Variants in HSD17B2 observed in about 807,000 individuals in gnomAD.
HSD17B2 encodes the protein hydroxysteroid 17-beta dehydrogenase 2.
A neutral mutation model predicts 26.9 loss-of-function variants in HSD17B2; 32 were observed. That is an observed-to-expected ratio of 1.19 (90% confidence interval 0.90 to 1.60). The LOEUF (loss-of-function observed/expected upper bound fraction) is 1.60, where lower values mean the gene tolerates loss of function less well. HSD17B2 is among the 40% of genes most tolerant of loss of function. The probability of loss-of-function intolerance (pLI) is 0.00; values close to 1 mark genes in which losing one functional copy is unlikely to be tolerated. For synonymous variants in HSD17B2, 246 were observed against 186.7 expected (o/e 1.32, Z -2.59); for missense variants, 613 against 468.6 (o/e 1.31, Z -2.85).
intron 1 of HSD17B2, among the ~76,000 whole-genome samples, chr16:82,046,535 G>A (rs564618046): frequency 6.6e-6 from 1 of 152,158 alleles, no homozygotes; most frequent in Non-Finnish European, 1.5e-5. Context: ...CTAGACTGAG[G>A]AACATGGTAA....
intron 4 of HSD17B2, chr16:82,091,718 G>A (rs1031101365): frequency 2.0e-5 from 3 of 152,958 alleles, no homozygotes; most frequent in African/African-American, 7.2e-5. Flanking sequence ...TTAGTGCAGG[G>A]GGTTGGGAAG....
In HSD17B2 at chr16:82,094,006, T is replaced by G. The variant is rs541716459; in HGVS notation, c.802+2967T>G. On this transcript the variant is annotated intron_variant, in intron 4 of 4. Transcript: ENST00000199936. ...GCATGCTAATGCATTATAAGTAGCA[T>G]ATAATGAGCAGTGAGGATGACCAGA... is the stretch of plus-strand genomic sequence containing the variant. 9 of 152,310 alleles carry G rather than the reference T, an allele frequency of 5.9e-5. No individual in the cohort carries two copies. The South Asian group carries it at 1.9e-3, about 32-fold the overall frequency. 9.4% of individuals were successfully genotyped at this position (152,310 alleles called of 1,614,324 possible).
At chr16:82,070,875 G>A in intron 2 of HSD17B2, 67 bp from the exon 3 acceptor site, 5 of 1,438,514 alleles carry the variant, frequency 3.5e-6, no homozygotes, top group Non-Finnish European at 4.8e-6. Context: ...TGGTCTTCCA[G>A]GTATTGCAGG....
chr16:82,047,419 C>T (rs943395765), intron 1 of HSD17B2, among the ~76,000 whole-genome samples: 4 of 152,140 alleles, frequency 2.6e-5, no homozygotes, highest in African/African-American at 9.7e-5. Flanking sequence ...GTTATTTCAC[C>T]AACACTTATT....
intron 1 of HSD17B2, among the ~76,000 whole-genome samples, chr16:82,048,024 T>TGAATTTGACATGCC (rs1426140283): frequency 6.6e-6 from 1 of 152,232 alleles, no homozygotes; most frequent in African/African-American, 2.4e-5. Flanking sequence ...TGAGACATGT[T>TGAATTTGACATGCC]GAATTTGACA....
At chr16:82,036,581 C>CA in intron 1 of HSD17B2, among the ~76,000 whole-genome samples, 1 of 152,060 alleles carries the variant, frequency 6.6e-6, no homozygotes, top group East Asian at 1.9e-4. Flanking sequence ...GCAAGAATGG[C>CA]ATGGGGATGT....
intron 3 of HSD17B2, among the ~76,000 whole-genome samples, chr16:82,074,174 G>C (rs999036129): frequency 1.3e-5 from 2 of 152,166 alleles, no homozygotes; most frequent in Non-Finnish European, 1.5e-5. Context: ...ACTGGACCCT[G>C]ACTTCTTTCT....
chr16:82,047,497 T>C (rs1441844126), intron 1 of HSD17B2, among the ~76,000 whole-genome samples: 2 of 152,204 alleles, frequency 1.3e-5, no homozygotes, highest in African/African-American at 4.8e-5. Flanking sequence ...TTGAATCAAC[T>C]TGCAGTATAG....
intron 4 of HSD17B2, chr16:82,095,498 G>C (rs187586994): frequency 6.5e-6 from 1 of 152,900 alleles, no homozygotes; most frequent in Admixed American, 6.5e-5. Context: ...GAGACCGCAA[G>C]CTTTTTGGAA....
At chr16:82,054,198 C>T (rs1252637862) in intron 1 of HSD17B2, among the ~76,000 whole-genome samples, 1 of 148,296 alleles carries the variant, frequency 6.7e-6, no homozygotes, top group Admixed American at 6.7e-5. Context: ...TTAACCTTAA[C>T]CCACATATCG....
chr16:82,095,452 T>C (rs1203531378), intron 4 of HSD17B2: 6 of 152,980 alleles, frequency 3.9e-5, no homozygotes, highest in African/African-American at 4.8e-5. Context: ...CCCACAGCTA[T>C]GTGAACAACC....
intron 3 of HSD17B2, among the ~76,000 whole-genome samples, chr16:82,079,415 T>A (rs557660156): frequency 6.6e-6 from 1 of 152,336 alleles, no homozygotes; most frequent in East Asian, 1.9e-4. Context: ...CACATGGTCA[T>A]CTCTCTGTCT....
At chr16:82,061,312 G>A (rs1197062917) in intron 1 of HSD17B2, among the ~76,000 whole-genome samples, 1 of 151,846 alleles carries the variant, frequency 6.6e-6, no homozygotes, top group Admixed American at 6.6e-5. Flanking sequence ...CAGTGGCTTT[G>A]TGCCAGACCT....
chr16:82,078,051 G>A (rs1349007499), intron 3 of HSD17B2, among the ~76,000 whole-genome samples: 3 of 152,122 alleles, frequency 2.0e-5, no homozygotes, highest in Non-Finnish European at 2.9e-5. Context: ...AAGTTAAAAA[G>A]CTTCTGCACA....
At chr16:82,070,768 C>G (rs772435892) in intron 2 of HSD17B2, 174 bp from the exon 3 acceptor site, 7 of 599,952 alleles carry the variant, frequency 1.2e-5, no homozygotes, top group South Asian at 1.1e-4. Flanking sequence ...AGGAATTCCC[C>G]TCCCACTCCC....
intron 1 of HSD17B2, among the ~76,000 whole-genome samples, chr16:82,043,663 C>T (rs1427104052): frequency 2.2e-5 from 2 of 89,856 alleles, no homozygotes; most frequent in Non-Finnish European, 3.4e-5. Context: ...TCTGCCTGGG[C>T]GACAAGGCAA....
At chr16:82,057,533 G>A (rs1385634767) in intron 1 of HSD17B2, among the ~76,000 whole-genome samples, 1 of 152,084 alleles carries the variant, frequency 6.6e-6, no homozygotes, top group African/African-American at 2.4e-5. Flanking sequence ...TGTGCACAAC[G>A]GCTTCCTTTC....
At chr16:82,040,995 C>T (rs1004683047) in intron 1 of HSD17B2, among the ~76,000 whole-genome samples, 4 of 152,142 alleles carry the variant, frequency 2.6e-5, no homozygotes, top group African/African-American at 7.2e-5. Flanking sequence ...ACTTATCATG[C>T]GGTTTAAGTT....
intron 1 of HSD17B2, among the ~76,000 whole-genome samples, chr16:82,041,872 T>C (rs1005275563): frequency 1.3e-5 from 2 of 152,226 alleles, no homozygotes; most frequent in African/African-American, 4.8e-5. Flanking sequence ...TGGTTTTGTA[T>C]ACCTGACATT....
Sources: gnomAD v4.1 joint callset for allele counts (sites outside exome capture counted in the v4.1 genomes callset) on GRCh38, gnomAD v4.1.1 for gene constraint, MANE v1.5 for transcripts, NCBI Gene and HGNC (gene_info 2026-07-23, HGNC 2026-07-21) for gene names.